ST6GALNAC3: variants seen among roughly 807,000 people sequenced by gnomAD.
ST6GALNAC3 encodes ST6 N-acetylgalactosaminide alpha-2,6-sialyltransferase 3, also known as alpha-N-acetylgalactosaminide alpha-2,6-sialyltransferase 3.
A neutral mutation model predicts 32.7 loss-of-function variants in ST6GALNAC3; 25 were observed. The observed-to-expected ratio is 0.76, with a 90% CI of 0.56 to 1.07. ST6GALNAC3 has a LOEUF of 1.07. ST6GALNAC3 is among the 50% of genes least tolerant of loss of function. ST6GALNAC3 has a pLI of 0.00. For missense variants in ST6GALNAC3, 355 were observed against 382.4 expected (o/e 0.93, Z 0.60); for synonymous variants, 129 against 133.1 (o/e 0.97, Z 0.21).
intron 3 of ST6GALNAC3, among the ~76,000 whole-genome samples, chr1:76,541,030 G>T (rs909465812): frequency 3.3e-5 from 5 of 152,110 alleles, no homozygotes; most frequent in Non-Finnish European, 7.4e-5. Context: ...TTCAGAGGAG[G>T]TTAGAGAAAA....
chr1:76,593,761 G>A (rs1019038449), intron 3 of ST6GALNAC3, among the ~76,000 whole-genome samples: 1 of 152,192 alleles, frequency 6.6e-6, no homozygotes, highest in African/African-American at 2.4e-5. Flanking sequence ...AAGATAAATG[G>A]GACCCAGTCT....
intron 1 of ST6GALNAC3, among the ~76,000 whole-genome samples, chr1:76,192,815 G>C (rs1653979230): frequency 6.6e-6 from 1 of 152,034 alleles, no homozygotes; most frequent in Admixed American, 6.6e-5. Context: ...CTCACCCACT[G>C]GTCTTTACTT....
At chr1:76,112,155 C>T (rs1322549188) in intron 1 of ST6GALNAC3, among the ~76,000 whole-genome samples, 2 of 144,528 alleles carry the variant, frequency 1.4e-5, no homozygotes, top group African/African-American at 2.6e-5. Flanking sequence ...GGCGGCTGGC[C>T]GGGCAGAGGG....
At chr1:76,577,356 G>C (rs1385302085) in intron 3 of ST6GALNAC3, 1 of 982,988 alleles carries the variant, frequency 1.0e-6, no homozygotes, top group Non-Finnish European at 1.2e-6. Context: ...CCTTTACCAA[G>C]AGCTATAGCC....
At chr1:76,212,692 T>C (rs540220945) in intron 1 of ST6GALNAC3, among the ~76,000 whole-genome samples, 4 of 152,324 alleles carry the variant, frequency 2.6e-5, no homozygotes, top group Admixed American at 2.6e-4. Context: ...AAGAGGGTTT[T>C]TCAGGCCACT....
At chr1:76,572,126 C>CT (rs1042314975) in intron 3 of ST6GALNAC3, among the ~76,000 whole-genome samples, 7 of 151,558 alleles carry the variant, frequency 4.6e-5, no homozygotes, top group South Asian at 4.2e-4. Flanking sequence ...TTTTTTTCCT[C>CT]TTTTTTTGGA....
intron 2 of ST6GALNAC3, among the ~76,000 whole-genome samples, chr1:76,359,092 CAA>C (rs1177205450): frequency 1.3e-5 from 2 of 152,130 alleles, no homozygotes; most frequent in East Asian, 1.9e-4. Flanking sequence ...AGACATGAAA[CAA>C]GAGAGGACCT....
intron 1 of ST6GALNAC3, among the ~76,000 whole-genome samples, chr1:76,263,818 C>T (rs1658378960): frequency 6.6e-6 from 1 of 152,110 alleles, no homozygotes; most frequent in African/African-American, 2.4e-5. Context: ...CCTTGTGGGG[C>T]TTAGAAGTGC....
intron 3 of ST6GALNAC3, among the ~76,000 whole-genome samples, chr1:76,469,116 C>T (rs1014957721): frequency 1.3e-5 from 2 of 151,916 alleles, no homozygotes; most frequent in African/African-American, 4.8e-5. Context: ...TTTTAAATTC[C>T]TCTGATTATG....
intron 1 of ST6GALNAC3, among the ~76,000 whole-genome samples, chr1:76,170,728 T>C (rs1252879807): frequency 1.3e-5 from 2 of 152,170 alleles, no homozygotes; most frequent in Non-Finnish European, 2.9e-5. Flanking sequence ...TGGGGGGTGG[T>C]GTCTGGTGAA....
chr1:76,182,348 A>T (rs760272085), intron 1 of ST6GALNAC3, among the ~76,000 whole-genome samples: 1 of 152,206 alleles, frequency 6.6e-6, no homozygotes. Context: ...ATAAGTCTAG[A>T]CAATAGTCTT....
chr1:76,424,029 A>G (rs1557874942), intron 3 of ST6GALNAC3, among the ~76,000 whole-genome samples: 1 of 152,026 alleles, frequency 6.6e-6, no homozygotes, highest in Non-Finnish European at 1.5e-5. Context: ...AGGTAAATGC[A>G]AAACAAAGAA....
chr1:76,631,156 T>C lies in ST6GALNAC3; in HGVS notation c.*2350T>C, dbSNP rs1471195595. On this transcript the variant is annotated 3_prime_UTR_variant, in exon 5 of 5. Coordinates refer to ENST00000328299, the MANE Select transcript of ST6GALNAC3 (RefSeq NM_152996.4). ...TGTGTGTGGAATATGTAGACTCCAGTGTTTTCTTAGGAGGGGTGGGAAAGG... is the reference window on the plus strand; with the variant it reads ...TGTGTGTGGAATATGTAGACTCCAGCGTTTTCTTAGGAGGGGTGGGAAAGG... 1 of 454,790 alleles carries C rather than the reference T, an allele frequency of 2.2e-6. No homozygotes were observed. The allele number at this position is 454,790 out of a possible 1,614,324, so 28.2% of individuals were successfully genotyped here.
chr1:76,202,022 C>T (rs1654547046), intron 1 of ST6GALNAC3, among the ~76,000 whole-genome samples: 1 of 152,094 alleles, frequency 6.6e-6, no homozygotes, highest in Non-Finnish European at 1.5e-5. Context: ...AAGTAATGAA[C>T]TGACTCAGCA....
At chr1:76,284,722 A>G (rs1233034815) in intron 1 of ST6GALNAC3, among the ~76,000 whole-genome samples, 1 of 152,146 alleles carries the variant, frequency 6.6e-6, no homozygotes, top group Non-Finnish European at 1.5e-5. Flanking sequence ...GCAAGAGTGT[A>G]CATGATCATT....
At chr1:76,265,404 T>A (rs974973598) in intron 1 of ST6GALNAC3, among the ~76,000 whole-genome samples, 44 of 152,316 alleles carry the variant, frequency 2.9e-4, no homozygotes, top group African/African-American at 1.1e-3. Flanking sequence ...AATTCAACTG[T>A]AGCATTTCAC....
intron 1 of ST6GALNAC3, among the ~76,000 whole-genome samples, chr1:76,080,500 T>G (rs1646878561): frequency 6.6e-6 from 1 of 151,944 alleles, no homozygotes; most frequent in Non-Finnish European, 1.5e-5. Context: ...CTGGGGCCAA[T>G]TTAAGATCTG....
chr1:76,240,965 CT>C (rs1656926201), intron 1 of ST6GALNAC3, among the ~76,000 whole-genome samples: 1 of 152,086 alleles, frequency 6.6e-6, no homozygotes, highest in Non-Finnish European at 1.5e-5. Flanking sequence ...GCTATATAAT[CT>C]TTTTATTTAC....
At chr1:76,238,948 CTTTTTTTT>C (rs35385527) in intron 1 of ST6GALNAC3, among the ~76,000 whole-genome samples, 6 of 131,286 alleles carry the variant, frequency 4.6e-5, no homozygotes, top group Non-Finnish European at 9.7e-5. Flanking sequence ...TCCCACTAAC[CTTTTTTTT>C]TTTTTTTTTT....
Sources: allele counts gnomAD v4.1 joint callset (sites outside exome capture counted in the v4.1 genomes callset), GRCh38; gene constraint gnomAD v4.1.1; transcripts MANE v1.5; gene names NCBI Gene and HGNC (gene_info 2026-07-23, HGNC 2026-07-21).